The following TET3 variants were observed in gnomAD, a reference collection of about 807,000 sequenced individuals.
TET3 encodes the protein methylcytosine dioxygenase TET3.
In TET3, 19 loss-of-function variants were observed where a neutral mutation model predicts 141.4. That is an observed-to-expected ratio of 0.13 (90% CI 0.09 to 0.20). The LOEUF (loss-of-function observed/expected upper bound fraction) is 0.20. TET3 is among the 10% of genes least tolerant of loss of function. The pLI, the probability that TET3 is intolerant of heterozygous loss-of-function variation, is 1.00. For synonymous variants in TET3, 1,043 were observed against 980.9 expected, an observed-to-expected ratio of 1.06 and a Z score of -1.18; for missense variants, 1,874 against 2,356.9, an observed-to-expected ratio of 0.80 and a Z score of 4.24.
At chr2:74,115,987 C>T in the TET3 span, among the ~76,000 whole-genome samples, 2 of 148,804 alleles carry the variant, frequency 1.3e-5, no homozygotes, top group East Asian at 2.0e-4. Flanking sequence ...TGCACTCCAG[C>T]CTGGGCGACA....
Position 74,046,427 on chromosome 2 carries a change from T to G in TET3, c.510T>G (p.Thr170=). Residue 170 remains threonine, a synonymous_variant, in exon 4 of 12, where the codon ACT becomes ACG. Coordinates refer to ENST00000409262, the MANE Select transcript of TET3 (RefSeq NM_001287491.2). The surrounding 1 kb of genome is among the most constrained non-coding windows in gnomAD (Gnocchi z 4.3). ...REPAGPSLLG[T]GGPWRVDQKP... ...CCGCTGGACCCAGTCTGCTGGGGAC[T>G]GGGGGTCCTTGGCGGGTAGACCAAA... 2 of 1,594,114 alleles carry G rather than the reference T, an allele frequency of 1.3e-6. No homozygotes were observed. Among genetic ancestry groups the G allele is most frequent in the Non-Finnish European group, 1.7e-6 (2 of 1,169,892 alleles).
At chr2:73,987,857 C>T (rs1022348367) in intron 2 of TET3, among the ~76,000 whole-genome samples, 2 of 152,184 alleles carry the variant, frequency 1.3e-5, no homozygotes, top group Non-Finnish European at 2.9e-5. Context: ...GCTGGCAGCC[C>T]GTGCTCTGGG....
intron 3 of TET3, among the ~76,000 whole-genome samples, chr2:74,011,163 G>A (rs1290648873): frequency 6.8e-6 from 1 of 146,082 alleles, no homozygotes; most frequent in African/African-American, 2.6e-5. Context: ...GGGAGGCAGA[G>A]GTTGCAGTGG....
chr2:74,025,915 G>C (rs573781440), intron 3 of TET3, among the ~76,000 whole-genome samples: 2 of 152,038 alleles, frequency 1.3e-5, no homozygotes, highest in Non-Finnish European at 2.9e-5. Context: ...AGCAGCTTGG[G>C]CGACAGAGTG....
rs1687669877 is a variant in TET3 at position 74,047,096 on chromosome 2, T to C, written c.1179T>C (p.Pro393=). 1.9e-6 allele frequency: 3 copies of C among 1,613,914 alleles called. No individual in the cohort carries two copies. The part of the protein sequence containing the change: ...PLPEALSPPA[P]FRSPQSYLRA... ...CTGAGGCCTTGTCACCTCCTGCCCC[T>C]TTCAGATCTCCCCAGTCTTACCTCC... Residue 393 remains proline (P), a synonymous_variant, in exon 4 of 12, where the codon CCT becomes CCC. Transcript: ENST00000409262.
chr2:74,078,887 A>G (rs756431291), intron 5 of TET3, among the ~76,000 whole-genome samples: 1 of 152,256 alleles, frequency 6.6e-6, no homozygotes, highest in Non-Finnish European at 1.5e-5. Context: ...TTTTATAAAA[A>G]TAATTCTTGA....
At chr2:74,096,595 C>T (rs1274639331) in intron 10 of TET3, among the ~76,000 whole-genome samples, 2 of 149,808 alleles carry the variant, frequency 1.3e-5, no homozygotes, top group Admixed American at 6.6e-5. Flanking sequence ...AGTGAAACCC[C>T]GTTTCTTCTA....
intron 2 of TET3, among the ~76,000 whole-genome samples, chr2:74,000,150 C>G (rs578017572): frequency 5.3e-5 from 8 of 152,130 alleles, no homozygotes; most frequent in Non-Finnish European, 1.2e-4. Flanking sequence ...TCAGTTCTGG[C>G]AGGTCCTGCC....
chr2:74,027,033 G>A (rs912071565), intron 3 of TET3, among the ~76,000 whole-genome samples: 3 of 152,214 alleles, frequency 2.0e-5, no homozygotes, highest in African/African-American at 4.8e-5. Flanking sequence ...CCTGAGATAA[G>A]ACCCTCCTGT....
chr2:74,128,620 A>G, the TET3 span, among the ~76,000 whole-genome samples: 1 of 152,100 alleles, frequency 6.6e-6, no homozygotes, highest in Non-Finnish European at 1.5e-5. Context: ...TGGGAACTCC[A>G]CTATCTTCAA....
At chr2:74,130,138 T>G in the TET3 span, among the ~76,000 whole-genome samples, 1 of 150,842 alleles carries the variant, frequency 6.6e-6, no homozygotes, top group East Asian at 2.0e-4. Context: ...GACACTTGGG[T>G]TCACAGTTTT....
At chr2:74,024,243 C>A (rs1686217395) in intron 3 of TET3, among the ~76,000 whole-genome samples, 1 of 152,222 alleles carries the variant, frequency 6.6e-6, no homozygotes, top group Non-Finnish European at 1.5e-5. Flanking sequence ...CGTTTGCAGA[C>A]CAGTCTGTGA....
rs1684043601 is a variant in TET3 at position 73,986,691 on chromosome 2, A to G, written c.288A>G (p.Val96=). The G allele has an allele frequency of 3.0e-5, 37 of 1,231,924 alleles. No homozygotes were observed. Among genetic ancestry groups the G allele is most frequent in the Non-Finnish European group, 3.7e-5 (37 of 987,982 alleles). 76.3% of individuals were successfully genotyped at this position (1,231,924 alleles called of 1,614,324 possible). A position where few individuals can be genotyped will look rare whatever the true frequency, so the allele number is the denominator to read the frequency against. ...AATGTGAGGTGCTGAAGAAAAAAGT[A>G]GGGCTTCTCAAGGAGGTAAGCCGGC... ...LRKCEVLKKK[V]GLLKEVEIKA... The change falls in exon 2 of 12, where the codon GTA becomes GTG. Residue 96 remains valine (V), a synonymous_variant. Coordinates refer to ENST00000409262, the MANE Select transcript of TET3 (RefSeq NM_001287491.2).
In TET3 at chr2:74,087,900, A is replaced by G. The variant is rs1573892553; in HGVS notation, c.2750A>G (p.Gln917Arg). Residue 917 changes from glutamine to arginine, a missense_variant, in exon 7 of 12, where the codon CAG (glutamine) becomes CGG (arginine). Physicochemically the swap from Gln to Arg is conservative, Grantham distance 43. Around this residue, in one of 10 missense-constraint regions of TET3, gnomAD observed 126 missense variants for 327.4 expected, o/e 0.38. Transcript: ENST00000409262. The surrounding 1 kb of genome is among the most constrained non-coding windows in gnomAD (Gnocchi z 4.3). Reference sequence around the variant, plus strand: ...CGGCACCGGGCAGGCCACCACTGCCAGAACGCTGTGATCGTCATCCTCATC... The same window carrying G: ...CGGCACCGGGCAGGCCACCACTGCCGGAACGCTGTGATCGTCATCCTCATC... ...LVRHRAGHHC[Q>R]NAVIVILILA... 1.9e-6 allele frequency: 3 copies of G among 1,551,860 alleles called. No homozygotes were observed. Among genetic ancestry groups the G allele is most frequent in the Non-Finnish European group, 2.6e-6 (3 of 1,147,142 alleles).
chr2:74,019,148 T>G (rs1685893606), intron 3 of TET3, among the ~76,000 whole-genome samples: 1 of 152,136 alleles, frequency 6.6e-6, no homozygotes, highest in Admixed American at 6.6e-5. Flanking sequence ...TCCCAGCTAC[T>G]TGGGAGGCAG....
chr2:74,080,489 C>T lies in TET3; in HGVS notation c.2586-9C>T. ...CTGTGCTAATGGTGGCTTCTGTCTC[C>T]CTCTTCAGGTATGGAGAGAAGGGGA... On this transcript the variant is annotated splice_polypyrimidine_tract_variant and intron_variant, in intron 5 of 11. Coordinates refer to ENST00000409262, the MANE Select transcript of TET3 (RefSeq NM_001287491.2). 1 of 1,611,106 alleles carries T rather than the reference C, an allele frequency of 6.2e-7. No homozygotes were observed. The highest frequency in any genetic ancestry group is 8.5e-7 in the Non-Finnish European group (1 of 1,178,512).
intron 2 of TET3, 63 bp downstream of exon 2, chr2:73,986,769 T>A: frequency 8.2e-7 from 1 of 1,221,656 alleles, no homozygotes; most frequent in Non-Finnish European, 1.0e-6. Flanking sequence ...CACGGGGGTC[T>A]TGTTCAAGCA....
chr2:74,052,153 G>A (rs1057042149), intron 4 of TET3, among the ~76,000 whole-genome samples: 1 of 152,152 alleles, frequency 6.6e-6, no homozygotes, highest in South Asian at 2.1e-4. Context: ...CTAACTTCTT[G>A]TATTTTAGTA....
At chr2:73,987,030 A>G (rs1194480523) in intron 2 of TET3, among the ~76,000 whole-genome samples, 1 of 152,230 alleles carries the variant, frequency 6.6e-6, no homozygotes, top group Non-Finnish European at 1.5e-5. Context: ...TTTCAAGCTC[A>G]TGCTAATGCT....
Sources: allele counts gnomAD v4.1 joint callset (sites outside exome capture counted in the v4.1 genomes callset), GRCh38; gene constraint gnomAD v4.1.1; regional missense constraint gnomAD v4.1.1; non-coding constraint Gnocchi (gnomAD v3.1); transcripts MANE v1.5; gene names NCBI Gene and HGNC (gene_info 2026-07-23, HGNC 2026-07-21).